Variants in RABGEF1 observed in about 807,000 individuals in gnomAD.
RABGEF1 encodes the protein RAB guanine nucleotide exchange factor 1.
RABGEF1 carries 26 observed loss-of-function variants against 57.3 expected under a neutral mutation model. The ratio of observed to expected loss-of-function variants is 0.45; its 90% CI spans 0.33 to 0.63. The LOEUF is 0.63. Among genes scored for constraint, RABGEF1 ranks in the 20% least tolerant of loss-of-function variants. The probability of loss-of-function intolerance (pLI) is 0.02; values close to 1 mark genes in which losing one functional copy is unlikely to be tolerated. For synonymous variants in RABGEF1, 185 were observed against 210.7 expected (o/e 0.88, Z 1.06); for missense variants, 464 against 607.6 (o/e 0.76, Z 2.48).
chr7:66,711,703 C>T, intron 1 of RABGEF1, among the ~76,000 whole-genome samples: 1 of 152,032 alleles, frequency 6.6e-6, no homozygotes, highest in East Asian at 1.9e-4. Flanking sequence ...TGTCCTGCCT[C>T]AGCCTCCCGA....
chr7:66,669,908 C>T, the RABGEF1 span: 1 of 152,190 alleles, frequency 6.6e-6, no homozygotes, highest in South Asian at 2.1e-4. Context: ...TAAATCCCTA[C>T]CCCACTTCCC....
chr7:66,799,179 C>T (rs1252887665), intron 6 of RABGEF1, 144 bp from the exon 7 acceptor site: 5 of 590,562 alleles, frequency 8.5e-6, no homozygotes, highest in South Asian at 4.3e-5. Context: ...CATTAGAGCT[C>T]GTAGTACTTG....
intron 1 of RABGEF1, among the ~76,000 whole-genome samples, chr7:66,755,156 T>C (rs1246627053): frequency 1.3e-5 from 2 of 152,048 alleles, no homozygotes; most frequent in African/African-American, 2.4e-5. Flanking sequence ...TAGCTGGGCG[T>C]GGTGGCAGGT....
At chr7:66,773,217 C>T (rs1239478644) in intron 2 of RABGEF1, among the ~76,000 whole-genome samples, 3 of 151,974 alleles carry the variant, frequency 2.0e-5, no homozygotes, top group Admixed American at 6.6e-5. Flanking sequence ...AAATTTTAGC[C>T]GAGAACATGA....
At chr7:66,779,377 G>A (rs1156482177) in intron 3 of RABGEF1, among the ~76,000 whole-genome samples, 4 of 151,990 alleles carry the variant, frequency 2.6e-5, no homozygotes, top group South Asian at 2.1e-4. Flanking sequence ...GGTGGCACGT[G>A]CCTGCAATCC....
At chr7:66,666,564 A>C in the RABGEF1 span, among the ~76,000 whole-genome samples, 1 of 152,160 alleles carries the variant, frequency 6.6e-6, no homozygotes, top group Non-Finnish European at 1.5e-5. Context: ...GTTTCCTGGC[A>C]GGGAGAGGGC....
chr7:66,666,881 G>A, the RABGEF1 span, among the ~76,000 whole-genome samples: 3 of 152,312 alleles, frequency 2.0e-5, no homozygotes, highest in East Asian at 5.8e-4. Context: ...TGGCACTGGG[G>A]TTGGGGAAGC....
chr7:66,658,749 G>A, the RABGEF1 span, among the ~76,000 whole-genome samples: 1 of 151,590 alleles, frequency 6.6e-6, no homozygotes, highest in South Asian at 2.1e-4. Context: ...TTTTTTGTTT[G>A]TTTTGAGACA....
At chr7:66,684,046 G>C (rs1356760685) in intron 1 of RABGEF1, among the ~76,000 whole-genome samples, 1 of 152,276 alleles carries the variant, frequency 6.6e-6, no homozygotes, top group South Asian at 2.1e-4. Flanking sequence ...CTGGAGGGTG[G>C]TTATTAAAGA....
chr7:66,760,908 C>T (rs1156860029), intron 1 of RABGEF1, among the ~76,000 whole-genome samples: 4 of 152,150 alleles, frequency 2.6e-5, no homozygotes, highest in Non-Finnish European at 5.9e-5. Flanking sequence ...GGATTGTAGG[C>T]GTGAACCATT....
intron 4 of RABGEF1, among the ~76,000 whole-genome samples, chr7:66,787,404 C>T (rs1811468496): frequency 1.4e-5 from 2 of 140,338 alleles, no homozygotes; most frequent in African/African-American, 2.7e-5. Flanking sequence ...AGTGCAGTGG[C>T]GTGATTTCGG....
rs184307119 is a variant in RABGEF1 at position 66,765,976 on chromosome 7, T to C, written c.-17-5907T>C. ...ACAAAATTTAAAAAAACTTAATTGA[T>C]CTATACTTAAAAATAGGTATCTTCC... On this transcript the variant is annotated intron_variant, in intron 1 of 8. Coordinates refer to ENST00000284957, the MANE Select transcript of RABGEF1 (RefSeq NM_014504.3). 4.2e-4 allele frequency among the ~76,000 whole-genome samples: 64 copies of C among 152,270 alleles called. 1 individual carries two copies. Among genetic ancestry groups the C allele is most frequent in the Non-Finnish European group, 4.4e-5 (3 of 68,028 alleles).
At chr7:66,784,515 A>G (rs1562849670) in intron 4 of RABGEF1, among the ~76,000 whole-genome samples, 5 of 152,250 alleles carry the variant, frequency 3.3e-5, no homozygotes, top group Admixed American at 2.0e-4. Flanking sequence ...ATAGGGATTA[A>G]TTCTGTTGTA....
chr7:66,662,510 G>A, the RABGEF1 span, among the ~76,000 whole-genome samples: 17 of 152,320 alleles, frequency 1.1e-4, no homozygotes, highest in East Asian at 3.1e-3. Context: ...GGGTGTCTGA[G>A]GAGCTGACAT....
upstream of RABGEF1, among the ~76,000 whole-genome samples, chr7:66,736,947 T>TAC (rs1295538438): frequency 1.3e-5 from 2 of 151,700 alleles, no homozygotes; most frequent in Non-Finnish European, 2.9e-5. Context: ...CACACACACG[T>TAC]ACACACACAC....
chr7:66,802,246 G>T (rs1787459167), intron 7 of RABGEF1, among the ~76,000 whole-genome samples: 1 of 152,170 alleles, frequency 6.6e-6, no homozygotes, highest in South Asian at 2.1e-4. Context: ...CACCTAGTGG[G>T]TAGAGGCCAA....
At chr7:66,793,853 A>G (rs1813342740) in intron 4 of RABGEF1, among the ~76,000 whole-genome samples, 1 of 152,180 alleles carries the variant, frequency 6.6e-6, no homozygotes, top group South Asian at 2.1e-4. Context: ...GTGGGCTTCC[A>G]CAGGATGTAT....
At chr7:66,658,527 C>A in the RABGEF1 span, among the ~76,000 whole-genome samples, 2 of 131,698 alleles carry the variant, frequency 1.5e-5, no homozygotes, top group Admixed American at 1.7e-4. Flanking sequence ...AGTGAGACTT[C>A]GTCTCCAAAA....
chr7:66,724,405 G>A (rs1198832243), intron 2 of RABGEF1, among the ~76,000 whole-genome samples: 1 of 151,898 alleles, frequency 6.6e-6, no homozygotes, highest in Non-Finnish European at 1.5e-5. Context: ...CTGTCACCAG[G>A]TTGGAGTGCA....
Sources: gnomAD v4.1 joint callset for allele counts (sites outside exome capture counted in the v4.1 genomes callset) on GRCh38, gnomAD v4.1.1 for gene constraint, MANE v1.5 for transcripts, NCBI Gene and HGNC (gene_info 2026-07-23, HGNC 2026-07-21) for gene names.